The following FRMD4A variants were observed in gnomAD, a reference collection of about 807,000 sequenced individuals.
FRMD4A encodes the protein FERM domain containing 4A.
FRMD4A carries 29 observed loss-of-function variants against 129.1 expected under a neutral mutation model. The ratio of observed to expected loss-of-function variants is 0.22; its 90% CI spans 0.17 to 0.31. The LOEUF (loss-of-function observed/expected upper bound fraction) is 0.31, where lower values mean the gene tolerates loss of function less well. FRMD4A is among the 10% of genes least tolerant of loss of function. The pLI is 1.00. For synonymous variants in FRMD4A, 634 were observed against 571.6 expected (o/e 1.11, Z -1.56); for missense variants, 1,272 against 1,375.8 (o/e 0.92, Z 1.19).
In FRMD4A at chr10:13,660,393, C is replaced by A; in HGVS notation, c.1821G>T (p.Lys607Asn). Reference sequence around the variant, plus strand: ...AAGAGGACTCACTCCACATTTTGGGCTTGATGGGTGACTTGTCATAGTCGT... The same window carrying A: ...AAGAGGACTCACTCCACATTTTGGGATTGATGGGTGACTTGTCATAGTCGT... ...HRNDYDKSPI[K>N]PKMWSESSLD... Residue 607 changes from lysine (K) to asparagine (N), a missense_variant, in exon 20 of 25, where the codon AAG (lysine) becomes AAT (asparagine). Around this residue, in one of 2 missense-constraint regions of FRMD4A, gnomAD observed 972 missense variants for 892.3 expected, o/e 1.09. Transcript: ENST00000357447. The A allele has an allele frequency of 4.3e-6, 7 of 1,614,140 alleles. No individual in the cohort carries two copies. Among genetic ancestry groups the A allele is most frequent in the Non-Finnish European group, 5.9e-6 (7 of 1,179,974 alleles).
intron 2 of FRMD4A, among the ~76,000 whole-genome samples, chr10:14,299,555 TGG>T (rs1414903384): frequency 6.6e-6 from 1 of 152,200 alleles, no homozygotes; most frequent in Admixed American, 6.5e-5. Context: ...TCAACAAACG[TGG>T]GAGCCAGAAT....
At chr10:14,205,571 C>T (rs962911372) in intron 2 of FRMD4A, among the ~76,000 whole-genome samples, 4 of 152,024 alleles carry the variant, frequency 2.6e-5, no homozygotes, top group Non-Finnish European at 5.9e-5. Context: ...CTTTGGGAGG[C>T]CGAGGTGGGT....
At chr10:14,139,633 A>AG (rs1381111999) in intron 2 of FRMD4A, among the ~76,000 whole-genome samples, 1 of 151,854 alleles carries the variant, frequency 6.6e-6, no homozygotes, top group East Asian at 1.9e-4. Context: ...TGTGATTTGT[A>AG]GAGATGGGGT....
chr10:13,746,785 G>T (rs1482277780), intron 9 of FRMD4A, among the ~76,000 whole-genome samples: 2 of 152,178 alleles, frequency 1.3e-5, no homozygotes, highest in Admixed American at 6.5e-5. Context: ...GTTATTAAAG[G>T]TCAGTGGCCA....
chr10:14,288,044 G>A (rs895393747), intron 2 of FRMD4A, among the ~76,000 whole-genome samples: 2 of 151,314 alleles, frequency 1.3e-5, no homozygotes, highest in South Asian at 2.1e-4. Flanking sequence ...GACTTTCTAC[G>A]GTGAAGAGAT....
chr10:13,666,979 T>C (rs1028537591), intron 17 of FRMD4A, among the ~76,000 whole-genome samples: 13 of 149,932 alleles, frequency 8.7e-5, no homozygotes, highest in Non-Finnish European at 1.8e-4. Context: ...TGGTGCAATC[T>C]CTGCTCACTG....
chr10:14,207,746 A>G (rs1842827079), intron 2 of FRMD4A, among the ~76,000 whole-genome samples: 4 of 151,958 alleles, frequency 2.6e-5, no homozygotes, highest in Admixed American at 2.6e-4. Flanking sequence ...AAGATTAGGA[A>G]GCAACACACA....
chr10:13,754,814 T>C (rs1270444275), intron 8 of FRMD4A, among the ~76,000 whole-genome samples: 1 of 152,168 alleles, frequency 6.6e-6, no homozygotes, highest in Non-Finnish European at 1.5e-5. Flanking sequence ...ATTTCAGACA[T>C]AACTGAGTAT....
chr10:14,081,868 C>G (rs1835947688), intron 2 of FRMD4A, among the ~76,000 whole-genome samples: 1 of 152,180 alleles, frequency 6.6e-6, no homozygotes, highest in Non-Finnish European at 1.5e-5. Flanking sequence ...CTACACTGCC[C>G]CAGACTATTT....
At chr10:14,031,090 G>C (rs1042671588) in intron 2 of FRMD4A, among the ~76,000 whole-genome samples, 6 of 152,232 alleles carry the variant, frequency 3.9e-5, no homozygotes, top group Admixed American at 3.3e-4. Flanking sequence ...GTACCATTTG[G>C]AGTCAAAGAG....
At chr10:13,906,531 T>C (rs2131211805) in intron 2 of FRMD4A, among the ~76,000 whole-genome samples, 1 of 152,326 alleles carries the variant, frequency 6.6e-6, no homozygotes, top group South Asian at 2.1e-4. Context: ...AAATAAAATA[T>C]ATGCTATGGT....
chr10:14,182,869 G>C (rs1179109427), intron 2 of FRMD4A, among the ~76,000 whole-genome samples: 1 of 152,162 alleles, frequency 6.6e-6, no homozygotes, highest in Non-Finnish European at 1.5e-5. Flanking sequence ...CAATTCAAGT[G>C]GAAGCAAACG....
At chr10:14,174,382 G>T (rs767724188) in intron 2 of FRMD4A, among the ~76,000 whole-genome samples, 2 of 152,064 alleles carry the variant, frequency 1.3e-5, no homozygotes, top group African/African-American at 4.8e-5. Context: ...TCTGTCTTAG[G>T]TAACGCATTT....
rs747299123 is a variant in FRMD4A at position 13,692,140 on chromosome 10, C to CTTTTTTTTTTTTTT, written c.1117+1744_1117+1757dup. On this transcript the variant is annotated intron_variant, in intron 15 of 24. Transcript: ENST00000357447. ...CTTGAAGCTTATAAAATTTTAGCAG[C>CTTTTTTTTTTTTTT]TTTTTTTTTTTTTTTTTTTTTTTTT... The CTTTTTTTTTTTTTT allele has an allele frequency of 1.7e-4, 17 of 100,470 alleles. 8 individuals are homozygous for CTTTTTTTTTTTTTT. Among genetic ancestry groups the CTTTTTTTTTTTTTT allele is most frequent in the African/African-American group, 1.2e-4 (3 of 24,412 alleles). The allele number at this position is 100,470 out of a possible 1,614,324, so 6.2% of individuals were successfully genotyped here.
At position 14,152,117 on chromosome 10, in the gene FRMD4A, C is replaced by CTTTTTT. The variant is rs36023583; in HGVS notation, c.45+177935_45+177940dup. Among the ~76,000 whole-genome samples, 16 of 54,148 alleles carry CTTTTTT rather than the reference C, an allele frequency of 3.0e-4. 5 individuals carry two copies. Among genetic ancestry groups the CTTTTTT allele is most frequent in the African/African-American group, 1.1e-3 (15 of 13,318 alleles). 35.5% of individuals were successfully genotyped at this position (54,148 alleles called of 152,430 possible). A position where few individuals can be genotyped will look rare whatever the true frequency, so the allele number is the denominator to read the frequency against. ...CAAAGCAGGATATGTTTGTGTAGTG[C>CTTTTTT]TTTTTTTTTTTTTTTTTTTTTTTTT... is the stretch of plus-strand genomic sequence containing the variant. On this transcript the variant is annotated intron_variant, in intron 2 of 24. Transcript: ENST00000357447.
At chr10:13,668,174 A>G (rs1485946792) in intron 17 of FRMD4A, 1 of 152,280 alleles carries the variant, frequency 6.6e-6, no homozygotes, top group Non-Finnish European at 1.5e-5. Context: ...TTTCGGAGAT[A>G]ATAAACTCCT....
At chr10:13,869,156 G>T (rs1189000102) in intron 2 of FRMD4A, among the ~76,000 whole-genome samples, 1 of 152,192 alleles carries the variant, frequency 6.6e-6, no homozygotes, top group Non-Finnish European at 1.5e-5. Context: ...TGTGATTCAA[G>T]CCACAAGTCC....
At chr10:14,220,816 G>C (rs867140994) in intron 2 of FRMD4A, among the ~76,000 whole-genome samples, 1 of 148,256 alleles carries the variant, frequency 6.7e-6, no homozygotes, top group Non-Finnish European at 1.5e-5. Context: ...GTGTGTTTGT[G>C]TGTGTGTGTG....
intron 2 of FRMD4A, among the ~76,000 whole-genome samples, chr10:14,132,638 T>G (rs531381716): frequency 6.6e-6 from 1 of 152,320 alleles, no homozygotes; most frequent in African/African-American, 2.4e-5. Flanking sequence ...CTCCCATTCC[T>G]CCTCTTTGAA....
Sources: allele counts gnomAD v4.1 joint callset (sites outside exome capture counted in the v4.1 genomes callset), GRCh38; gene constraint gnomAD v4.1.1; regional missense constraint gnomAD v4.1.1; transcripts MANE v1.5; gene names NCBI Gene and HGNC (gene_info 2026-07-23, HGNC 2026-07-21).